Variants in DLL3 observed in about 807,000 individuals in gnomAD.
The protein encoded by DLL3 is delta like canonical Notch ligand 3, also known as delta-like protein 3.
A neutral mutation model predicts 55.0 loss-of-function variants in DLL3; 49 were observed. That is an observed-to-expected ratio of 0.89 (90% confidence interval 0.71 to 1.13). The LOEUF (loss-of-function observed/expected upper bound fraction) is 1.13. Ranked by LOEUF, DLL3 falls within the 50% of genes most tolerant of loss-of-function variation. The probability of loss-of-function intolerance (pLI) is 0.00; values close to 1 mark genes in which losing one functional copy is unlikely to be tolerated. For missense variants in DLL3, 962 were observed against 875.5 expected, an observed-to-expected ratio of 1.10 and a Z score of -1.25; for synonymous variants, 421 against 385.2, an observed-to-expected ratio of 1.09 and a Z score of -1.09.
chr19:39,506,049 A>G (rs2079638610), intron 6 of DLL3, among the ~76,000 whole-genome samples: 2 of 151,918 alleles, frequency 1.3e-5, no homozygotes, highest in South Asian at 4.2e-4. Flanking sequence ...CGTCTCTACT[A>G]AAAATACAAA....
intron 6 of DLL3, among the ~76,000 whole-genome samples, chr19:39,506,367 G>GAAA (rs58063380): frequency 1.9e-5 from 2 of 103,762 alleles, no homozygotes; most frequent in Non-Finnish European, 2.1e-5. Flanking sequence ...ACTCCGTTTC[G>GAAA]AAAAAAAAAA....
At position 39,499,339 on chromosome 19, in the gene DLL3, G is replaced by A; in HGVS notation, c.217G>A (p.Ala73Thr). ...GAAGCCTGGGCTCTCAGAGGAGGCCGCCGAGTCCCCGTGCGCCCTGGGCGC... is the reference window on the plus strand; with the variant it reads ...GAAGCCTGGGCTCTCAGAGGAGGCCACCGAGTCCCCGTGCGCCCTGGGCGC... ...CLKPGLSEEA[A>T]ESPCALGAAL... Residue 73 changes from alanine (A) to threonine (T), a missense_variant, in exon 2 of 9, where the codon GCC becomes ACC. Ala to Thr is a moderately conservative substitution (Grantham distance 58). Transcript: ENST00000356433. 2.6e-6 allele frequency: 4 copies of A among 1,550,522 alleles called. No homozygotes were observed. Among genetic ancestry groups the A allele is most frequent in the South Asian group, 1.2e-5 (1 of 85,320 alleles).
intron 8 of DLL3, 52 bp downstream of exon 8, chr19:39,507,966 C>T: frequency 6.2e-7 from 1 of 1,614,078 alleles, no homozygotes; most frequent in Non-Finnish European, 8.5e-7. Context: ...TGGGCAGAGG[C>T]AGCACCTGCT....
At position 39,501,377 on chromosome 19, in the gene DLL3, G is replaced by A. The variant is rs75160802; in HGVS notation, c.409+705G>A. ...TGGGATGTTGGAGCTTCACCAAGGC[G>A]AATATTGAGCAGAGGTTCCTGGGAG... On this transcript the variant is annotated intron_variant, in intron 3 of 8. Coordinates refer to ENST00000356433, the MANE Select transcript of DLL3 (RefSeq NM_203486.3). Among the ~76,000 whole-genome samples, 310 of 138,216 alleles carry A rather than the reference G, an allele frequency of 2.2e-3. 2 individuals are homozygous for A. The highest frequency in any genetic ancestry group is 8.7e-3 in the East Asian group (44 of 5,076). The allele number at this position is 138,216 out of a possible 152,430, so 90.7% of individuals were successfully genotyped here. A position where few individuals can be genotyped will look rare whatever the true frequency, so the allele number is the denominator to read the frequency against.
intron 4 of DLL3, 95 bp from the exon 5 acceptor site, chr19:39,503,976 G>C: frequency 8.1e-7 from 1 of 1,232,270 alleles, no homozygotes; most frequent in Non-Finnish European, 1.2e-6. Context: ...AGGTGGCTCA[G>C]GGAACGTGCT....
At chr19:39,500,429 C>A (rs543702279) in intron 2 of DLL3, among the ~76,000 whole-genome samples, 186 bp from the exon 3 acceptor site, 7 of 145,128 alleles carry the variant, frequency 4.8e-5, no homozygotes, top group East Asian at 4.1e-4. Context: ...CTCCCCCCCC[C>A]CCCAAAAAAA....
rs770329421 is a variant in DLL3, at chr19:39,503,042, G to C, written c.637G>C (p.Glu213Gln). The C allele has an allele frequency of 6.6e-7, 1 of 1,521,288 alleles. No individual in the cohort carries two copies. Among genetic ancestry groups the C allele is most frequent in the South Asian group, 1.2e-5 (1 of 82,334 alleles). The allele number at this position is 1,521,288 out of a possible 1,614,324, so 94.2% of individuals were successfully genotyped here. A position where few individuals can be genotyped will look rare whatever the true frequency, so the allele number is the denominator to read the frequency against. ...GCGCCCCTGCGCACCGCTCGAGGAC[G>C]AATGTGAGGCGCCGCGTGAGTCCTG... ...GLRPCAPLEDECEAPLVCRAG... is the reference protein window; with the variant it reads ...GLRPCAPLEDQCEAPLVCRAG... Residue 213 changes from glutamate to glutamine, a missense_variant, in exon 4 of 9, where the codon GAA becomes CAA. Coordinates refer to ENST00000356433, the MANE Select transcript of DLL3 (RefSeq NM_203486.3).
intron 5 of DLL3, 123 bp downstream of exon 5, chr19:39,504,411 T>C: frequency 1.8e-6 from 2 of 1,139,256 alleles, no homozygotes; most frequent in Non-Finnish European, 2.5e-6. Context: ...ATCAGGGAGG[T>C]CTTCCTGGAG....
chr19:39,505,570 TC>T, intron 6 of DLL3, 119 bp downstream of exon 6: 1 of 1,057,340 alleles, frequency 9.5e-7, no homozygotes, highest in Non-Finnish European at 1.4e-6. Flanking sequence ...GACCTGACCT[TC>T]CACCTGCAAG....
intron 8 of DLL3, 62 bp from the exon 9 acceptor site, chr19:39,508,190 C>T (rs367794721): frequency 1.2e-6 from 2 of 1,613,930 alleles, no homozygotes; most frequent in African/African-American, 2.7e-5. Flanking sequence ...TTGTACTCAG[C>T]GGGGAGGCAG....
intron 6 of DLL3, among the ~76,000 whole-genome samples, chr19:39,505,857 T>G (rs1027181146): frequency 6.6e-6 from 1 of 152,082 alleles, no homozygotes; most frequent in Non-Finnish European, 1.5e-5. Flanking sequence ...ACTTTTCCCC[T>G]GAGTGAGATG....
At position 39,504,089 on chromosome 19, in the gene DLL3, G is replaced by A. The variant is rs1252123006; in HGVS notation, c.671G>A (p.Cys224Tyr). The change falls in exon 5 of 9, where the codon TGC becomes TAC. Residue 224 changes from cysteine (C) to tyrosine (Y), a missense_variant. Transcript: ENST00000356433. Reference sequence around the variant, plus strand: ...CCCATAGTGGTGTGCCGAGCAGGCTGCAGCCCTGAGCATGGCTTCTGTGAA... The same window carrying A: ...CCCATAGTGGTGTGCCGAGCAGGCTACAGCCCTGAGCATGGCTTCTGTGAA... ...CEAPLVCRAG[C>Y]SPEHGFCEQP... 2.5e-6 allele frequency: 4 copies of A among 1,613,186 alleles called. No individual in the cohort carries two copies. The highest frequency in any genetic ancestry group is 1.3e-5 in the African/African-American group (1 of 74,916).
intron 3 of DLL3, 126 bp from the exon 4 acceptor site, chr19:39,502,689 C>T: frequency 1.7e-6 from 2 of 1,211,014 alleles, no homozygotes; most frequent in South Asian, 5.7e-5. Flanking sequence ...GTCCAAGGAC[C>T]CCAGGGCTCC....
chr19:39,500,370 G>T (rs1333484977), intron 2 of DLL3, among the ~76,000 whole-genome samples: 2 of 150,390 alleles, frequency 1.3e-5, no homozygotes, highest in Non-Finnish European at 3.0e-5. Context: ...TTGTTGCAGT[G>T]AGCCAAGATT....
intron 6 of DLL3, chr19:39,505,653 A>G (rs562761654): frequency 5.2e-4 from 314 of 606,654 alleles, no homozygotes; most frequent in Non-Finnish European, 8.1e-4. Context: ...ACTGTGTGCC[A>G]GGCCCTATTC....
chr19:39,507,429 C>A lies in DLL3; in HGVS notation c.1484C>A (p.Pro495Gln). The change falls in exon 7 of 9, where the codon CCG becomes CAG. Residue 495 changes from proline to glutamine, a missense_variant. By Grantham distance (76) the Pro-to-Gln change is moderately conservative (BLOSUM62 -1). Transcript: ENST00000356433. ...PGDPQRYLLPPALGLLVAAGV... is the reference protein window; with the variant it reads ...PGDPQRYLLPQALGLLVAAGV... ...GACCCTCAGCGCTACCTTTTGCCTCCGGCTCTGGGACTGCTCGTGGCCGCG... is the reference window on the plus strand; with the variant it reads ...GACCCTCAGCGCTACCTTTTGCCTCAGGCTCTGGGACTGCTCGTGGCCGCG... 1 of 1,593,578 alleles carries A rather than the reference C, an allele frequency of 6.3e-7. No homozygotes were observed. Among genetic ancestry groups the A allele is most frequent in the East Asian group, 2.3e-5 (1 of 43,900 alleles).
chr19:39,499,106 C>G, intron 1 of DLL3, 63 bp downstream of exon 1: 1 of 1,613,206 alleles, frequency 6.2e-7, no homozygotes, highest in Non-Finnish European at 8.5e-7. Context: ...GTGAGTGCGA[C>G]CTGAAGGTCC....
intron 3 of DLL3, 32 bp from the exon 4 acceptor site, chr19:39,502,783 C>T (rs764416429): frequency 7.2e-7 from 1 of 1,385,596 alleles, no homozygotes. Flanking sequence ...GCCGGGCCCA[C>T]CCCAGCACCC....
In DLL3 at chr19:39,507,160, G is replaced by T. The variant is rs537365183; in HGVS notation, c.1215G>T (p.Thr405=). 7.2e-5 allele frequency: 103 copies of T among 1,434,648 alleles called. No homozygotes were observed. In the South Asian group the frequency reaches 1.0e-3, roughly 14 times the overall value. 88.9% of individuals were successfully genotyped at this position (1,434,648 alleles called of 1,614,324 possible). The change falls in exon 7 of 9, where the codon ACG becomes ACT. Residue 405 remains threonine, a synonymous_variant. Coordinates refer to ENST00000356433, the MANE Select transcript of DLL3 (RefSeq NM_203486.3). ...GCCGCGCCTGCGCTAACGGCGGCAC[G>T]TGTGTGGAGGGCGGCGGCGCGCACC... is the stretch of plus-strand genomic sequence containing the variant. ...CAGRACANGG[T]CVEGGGAHRC...
Sources: gnomAD v4.1 joint callset for allele counts (sites outside exome capture counted in the v4.1 genomes callset) on GRCh38, gnomAD v4.1.1 for gene constraint, MANE v1.5 for transcripts, NCBI Gene and HGNC (gene_info 2026-07-23, HGNC 2026-07-21) for gene names.